The following SLC17A9 variants were observed in gnomAD, a reference collection of about 807,000 sequenced individuals.
SLC17A9 encodes the protein solute carrier family 17 member 9.
Under a neutral mutation model 55.0 loss-of-function variants are expected in SLC17A9, and 49 were observed. The ratio of observed to expected loss-of-function variants is 0.89; its 90% CI spans 0.71 to 1.13. SLC17A9 has a LOEUF of 1.13. SLC17A9 is among the 50% of genes most tolerant of loss of function. The probability of loss-of-function intolerance (pLI) is 0.00; values close to 1 mark genes in which losing one functional copy is unlikely to be tolerated. For missense variants in SLC17A9, 526 were observed against 569.3 expected, an observed-to-expected ratio of 0.92 and a Z score of 0.77; for synonymous variants, 256 against 247.4, an observed-to-expected ratio of 1.03 and a Z score of -0.32.
intron 4 of SLC17A9, among the ~76,000 whole-genome samples, chr20:62,961,479 C>T (rs1230976070): frequency 6.6e-6 from 1 of 152,188 alleles, no homozygotes; most frequent in East Asian, 1.9e-4. Context: ...TGCTGGCGGC[C>T]TGGATCGAGG....
At chr20:62,954,870 G>A (rs1359361104) in intron 1 of SLC17A9, among the ~76,000 whole-genome samples, 4 of 152,232 alleles carry the variant, frequency 2.6e-5, no homozygotes, top group African/African-American at 9.6e-5. Flanking sequence ...CCTCAATGGG[G>A]GTGAGGATCA....
At chr20:62,966,078 G>A (rs2065636322) in intron 10 of SLC17A9, among the ~76,000 whole-genome samples, 1 of 133,924 alleles carries the variant, frequency 7.5e-6, no homozygotes, top group African/African-American at 2.8e-5. Flanking sequence ...TTGGGGCTCG[G>A]GTTGGCGTGG....
Position 62,952,771 on chromosome 20 carries a change from G to C in SLC17A9, c.-60G>C. On this transcript the variant is annotated 5_prime_UTR_variant, in exon 1 of 13. Transcript: ENST00000370351. ...CGGTGCTGCCCGGGTGGGTCAGCCT[G>C]GGCTGGGAGGCAGCCCCGGGACACA... 5 of 1,517,468 alleles carry C rather than the reference G, an allele frequency of 3.3e-6. No individual in the cohort carries two copies. Among genetic ancestry groups the C allele is most frequent in the Non-Finnish European group, 4.4e-6 (5 of 1,134,118 alleles). The allele number at this position is 1,517,468 out of a possible 1,614,324, so 94.0% of individuals were successfully genotyped here. A position where few individuals can be genotyped will look rare whatever the true frequency, so the allele number is the denominator to read the frequency against.
At chr20:62,954,397 C>G (rs6062751) in intron 1 of SLC17A9, among the ~76,000 whole-genome samples, 1 of 152,260 alleles carries the variant, frequency 6.6e-6, no homozygotes, top group African/African-American at 2.4e-5. Flanking sequence ...GTTCCCTTTT[C>G]TGAATGGAGG....
intron 3 of SLC17A9, 66 bp from the exon 4 acceptor site, chr20:62,960,438 G>A (rs1414150794): frequency 3.4e-6 from 5 of 1,471,380 alleles, no homozygotes; most frequent in Middle Eastern, 1.7e-4. Context: ...GCCCAAACCT[G>A]AGCAGATAGG....
Position 62,957,539 on chromosome 20 carries a change from C to A in SLC17A9, c.356C>A (p.Ala119Asp), listed in dbSNP as rs756175163. 1.4e-5 allele frequency: 23 copies of A among 1,599,928 alleles called. No homozygotes were observed. Among genetic ancestry groups the A allele is most frequent in the Non-Finnish European group, 2.0e-5 (23 of 1,174,470 alleles). ...GCCCACCTGAGCAGTGCCCACCTGG[C>A]CTTCATGACCTTCTCACGCATCCTC... ...LLAHLSSAHL[A>D]FMTFSRILMG... is the part of the protein sequence containing the mutation. Residue 119 changes from alanine (A) to aspartate (D), a missense_variant, in exon 3 of 13, where the codon GCC (alanine) becomes GAC (aspartate). Ala to Asp is a moderately radical substitution (Grantham distance 126, BLOSUM62 -2). Transcript: ENST00000370351.
rs1034343114 is a variant in SLC17A9, at chr20:62,962,960, G to A, written c.628+206G>A. The A allele has an allele frequency of 1.3e-6, 1 of 749,870 alleles. No homozygotes were observed. The highest frequency in any genetic ancestry group is 1.8e-5 in the African/African-American group (1 of 56,542). 46.5% of individuals were successfully genotyped at this position (749,870 alleles called of 1,614,324 possible). On this transcript the variant is annotated intron_variant, in intron 5 of 12. Coordinates refer to ENST00000370351, the MANE Select transcript of SLC17A9 (RefSeq NM_022082.4). This position sits in a 1 kb window ranked among gnomAD's most constrained non-coding sequence, Gnocchi z 5.5. ...TTCGATCTGGAAGGTTCCATCTAGGGCTAAGGCAGACACCCAGGAAGACCT... is the reference window on the plus strand; with the variant it reads ...TTCGATCTGGAAGGTTCCATCTAGGACTAAGGCAGACACCCAGGAAGACCT...
At chr20:62,957,931 A>C (rs572045361) in intron 3 of SLC17A9, among the ~76,000 whole-genome samples, 2 of 151,546 alleles carry the variant, frequency 1.3e-5, no homozygotes, top group African/African-American at 2.4e-5. Flanking sequence ...GCAAGTGCAT[A>C]TGTCCCTGCA....
intron 8 of SLC17A9, chr20:62,964,885 T>C (rs1395064949): frequency 5.4e-6 from 3 of 552,026 alleles, no homozygotes; most frequent in African/African-American, 3.8e-5. Flanking sequence ...GTAACTGCTG[T>C]GTGGCTGTTC....
chr20:62,966,437 C>G, intron 10 of SLC17A9, 88 bp from the exon 11 acceptor site: 1 of 1,465,482 alleles, frequency 6.8e-7, no homozygotes, highest in Non-Finnish European at 9.4e-7. Context: ...CTCCACGAGA[C>G]CTTGCTTCCC....
chr20:62,962,779 C>G lies in SLC17A9; in HGVS notation c.628+25C>G, dbSNP rs746073606. The G allele has an allele frequency of 1.5e-5, 24 of 1,611,452 alleles. No homozygotes were observed. In the Admixed American group the frequency reaches 3.8e-4, roughly 26 times the overall value. On this transcript the variant is annotated intron_variant, in intron 5 of 12. Transcript: ENST00000370351. The surrounding 1 kb of genome is among the most constrained non-coding windows in gnomAD (Gnocchi z 5.5). ...GGTAACGCAGGCCGGGCGGGCTAGT[C>G]CCGGGCGCCCACAGCTGCCCAGTGC...
At chr20:62,954,683 G>A (rs867595788) in intron 1 of SLC17A9, among the ~76,000 whole-genome samples, 3 of 152,158 alleles carry the variant, frequency 2.0e-5, no homozygotes, top group East Asian at 1.9e-4. Flanking sequence ...TTGTCTCCCC[G>A]GCAGCTGTGG....
At chr20:62,959,954 A>C (rs552197596) in intron 3 of SLC17A9, among the ~76,000 whole-genome samples, 4 of 152,356 alleles carry the variant, frequency 2.6e-5, no homozygotes, top group East Asian at 3.9e-4. Context: ...GGCTGAGAAC[A>C]CTTGGTCCAA....
At chr20:62,963,961 C>A in intron 7 of SLC17A9, 1 of 596,458 alleles carries the variant, frequency 1.7e-6, no homozygotes, top group Non-Finnish European at 3.0e-6. Flanking sequence ...CCACAGAACC[C>A]GACTTCAGAG....
rs1437358986 is a variant in SLC17A9, at chr20:62,960,353, CA to C, written c.398-147del. The C allele has an allele frequency of 3.4e-5, 24 of 700,414 alleles. No homozygotes were observed. The East Asian group carries it at 6.1e-4, about 18-fold the overall frequency. The allele number at this position is 700,414 out of a possible 1,614,324, so 43.4% of individuals were successfully genotyped here. On this transcript the variant is annotated intron_variant, in intron 3 of 12. Coordinates refer to ENST00000370351, the MANE Select transcript of SLC17A9 (RefSeq NM_022082.4). ...AAGGAGTCTGTTTCCTCAGTGGCAC[CA>C]AAAGCCCTGCCCTGCTGGTCCCTCG... is the stretch of plus-strand genomic sequence containing the variant.
chr20:62,964,689 A>G (rs1047932617), intron 8 of SLC17A9, among the ~76,000 whole-genome samples: 44 of 152,342 alleles, frequency 2.9e-4, no homozygotes, highest in African/African-American at 9.9e-4. Flanking sequence ...CCCCTAGTGC[A>G]GTGTCCGCTG....
In SLC17A9 at chr20:62,960,965, T is replaced by A. The variant is rs961223262; in HGVS notation, c.497+362T>A. On this transcript the variant is annotated intron_variant, in intron 4 of 12. Coordinates refer to ENST00000370351, the MANE Select transcript of SLC17A9 (RefSeq NM_022082.4). ...GGCCCCCACCCTCGACAGGAGAGTC[T>A]GTGAGCGCAGGAGCGTCTGGGCCAG... Among the ~76,000 whole-genome samples the A allele has an allele frequency of 2.0e-5, 3 of 152,242 alleles. No homozygotes were observed. In the East Asian group the frequency reaches 5.8e-4, roughly 29 times the overall value.
intron 1 of SLC17A9, 164 bp downstream of exon 1, chr20:62,953,053 A>G (rs958022665): frequency 5.0e-5 from 59 of 1,181,822 alleles, no homozygotes; most frequent in Non-Finnish European, 7.0e-5. Flanking sequence ...GGTGGAAGGA[A>G]GTGAGTGCCC....
chr20:62,962,672 C>T lies in SLC17A9; in HGVS notation c.546C>T (p.Gly182=), dbSNP rs146187658. 1.1e-4 allele frequency: 180 copies of T among 1,614,100 alleles called. 1 individual carries two copies. In the African/African-American group the frequency reaches 2.0e-3, roughly 18 times the overall value. ...GCTCCCTGCTCCTGGAATGGTACGG[C>T]TGGCAGAGCATCTTCTATTTCTCCG... ...AVGSLLLEWY[G]WQSIFYFSGG... is the part of the protein sequence containing the mutation. The change falls in exon 5 of 13, where the codon GGC becomes GGT. Residue 182 remains glycine (G), a synonymous_variant. Coordinates refer to ENST00000370351, the MANE Select transcript of SLC17A9 (RefSeq NM_022082.4). This position sits in a 1 kb window ranked among gnomAD's most constrained non-coding sequence, Gnocchi z 5.5.
Sources: allele counts gnomAD v4.1 joint callset (sites outside exome capture counted in the v4.1 genomes callset), GRCh38; gene constraint gnomAD v4.1.1; non-coding constraint Gnocchi (gnomAD v3.1); transcripts MANE v1.5; gene names NCBI Gene and HGNC (gene_info 2026-07-23, HGNC 2026-07-21).